The following ADORA1 variants were observed in gnomAD, a reference collection of about 807,000 sequenced individuals.
ADORA1 encodes the protein adenosine receptor A1.
Under a neutral mutation model 19.9 loss-of-function variants are expected in ADORA1, and 6 were observed. The ratio of observed to expected loss-of-function variants is 0.30; its 90% CI spans 0.17 to 0.59. The LOEUF is 0.59. ADORA1 is among the 20% of genes least tolerant of loss of function. The pLI is 0.87. For missense variants in ADORA1, 302 were observed against 439.2 expected (o/e 0.69, Z 2.79); for synonymous variants, 194 against 188.4 (o/e 1.03, Z -0.24).
At chr1:203,131,839 G>A (rs1167115152) in intron 3 of ADORA1, among the ~76,000 whole-genome samples, 2 of 152,148 alleles carry the variant, frequency 1.3e-5, no homozygotes, top group South Asian at 2.1e-4. Context: ...CTGGGTCTAC[G>A]AAACTCCTCT....
intron 3 of ADORA1, among the ~76,000 whole-genome samples, chr1:203,164,047 A>G (rs1276850964): frequency 6.6e-6 from 1 of 152,210 alleles, no homozygotes; most frequent in Non-Finnish European, 1.5e-5. Context: ...ACTGTCTCCA[A>G]GGCCAGTATG....
At chr1:203,151,788 G>GCATTCATTCATTCATTCATT (rs34226911) in intron 3 of ADORA1, among the ~76,000 whole-genome samples, 23 of 151,208 alleles carry the variant, frequency 1.5e-4, no homozygotes, top group Middle Eastern at 3.2e-3. Flanking sequence ...ATGCATGCAT[G>GCATTCATTCATTCATTCATT]CATTCATTCA....
chr1:203,163,985 T>G (rs1655454383), intron 3 of ADORA1, among the ~76,000 whole-genome samples: 1 of 152,232 alleles, frequency 6.6e-6, no homozygotes, highest in South Asian at 2.1e-4. Context: ...GGCAAGCTGC[T>G]GCTGCTCAGC....
intron 3 of ADORA1, chr1:203,150,603 C>T (rs557120751): frequency 1.6e-5 from 21 of 1,285,582 alleles, no homozygotes; most frequent in African/African-American, 7.6e-5. Flanking sequence ...AGGCCAGGAT[C>T]GGGGAGAATA....
At chr1:203,143,298 T>G (rs2102746362) in intron 3 of ADORA1, among the ~76,000 whole-genome samples, 1 of 152,342 alleles carries the variant, frequency 6.6e-6, no homozygotes, top group East Asian at 1.9e-4. Context: ...TCTTGTCCTC[T>G]TCTTATAAAG....
intron 3 of ADORA1, among the ~76,000 whole-genome samples, chr1:203,137,071 G>A (rs1571785768): frequency 6.6e-6 from 1 of 152,310 alleles, no homozygotes; most frequent in East Asian, 1.9e-4. Context: ...AGGGGGCAGG[G>A]TAAATGGGAT....
intron 3 of ADORA1, among the ~76,000 whole-genome samples, chr1:203,143,040 G>A (rs2102746069): frequency 6.6e-6 from 1 of 152,370 alleles, no homozygotes; most frequent in South Asian, 2.1e-4. Context: ...AACATTCAGA[G>A]TGGCTGTGTC....
In ADORA1 at chr1:203,166,554, G is replaced by C. The variant is rs41264027; in HGVS notation, c.*654G>C. 1 of 152,584 alleles carries C rather than the reference G, an allele frequency of 6.6e-6. No homozygotes were observed. Among genetic ancestry groups the C allele is most frequent in the Non-Finnish European group, 1.5e-5 (1 of 68,238 alleles). 9.5% of individuals were successfully genotyped at this position (152,584 alleles called of 1,614,324 possible). A position where few individuals can be genotyped will look rare whatever the true frequency, so the allele number is the denominator to read the frequency against. On this transcript the variant is annotated 3_prime_UTR_variant, in exon 4 of 4. Coordinates refer to ENST00000337894, the MANE Select transcript of ADORA1 (RefSeq NM_000674.3). ...CCAGCCCAGGATTGTACGTGGGAGA[G>C]GCAGAAAGGGTAGGTTCAGTAATCA...
At chr1:203,134,803 C>CAT (rs969397830) in intron 3 of ADORA1, among the ~76,000 whole-genome samples, 3 of 152,224 alleles carry the variant, frequency 2.0e-5, no homozygotes, top group South Asian at 4.1e-4. Context: ...CACACACACA[C>CAT]ATATATATAG....
chr1:203,129,380 G>A, intron 3 of ADORA1, 198 bp downstream of exon 3: 5 of 776,724 alleles, frequency 6.4e-6, no homozygotes, highest in Non-Finnish European at 7.8e-6. Flanking sequence ...GGTGGCTGGA[G>A]GACTGTACTG....
rs561401424 is a variant in ADORA1 at position 203,147,888 on chromosome 1, A to G, written c.342-17373A>G. On this transcript the variant is annotated intron_variant, in intron 3 of 3. Coordinates refer to ENST00000337894, the MANE Select transcript of ADORA1 (RefSeq NM_000674.3). ...TACGTTGTACCCCATAAATATATAC[A>G]ATTAATGTTTTTCAGTAAAAAGAAA... 2.0e-5 allele frequency among the ~76,000 whole-genome samples: 3 copies of G among 152,316 alleles called. No individual in the cohort carries two copies. The East Asian group carries it at 5.8e-4, about 29-fold the overall frequency.
At chr1:203,152,214 C>T (rs1002297467) in intron 3 of ADORA1, among the ~76,000 whole-genome samples, 3 of 152,232 alleles carry the variant, frequency 2.0e-5, no homozygotes, top group Admixed American at 6.5e-5. Flanking sequence ...ATGGGGGTCT[C>T]CCATTTCCCA....
chr1:203,144,281 A>C (rs1316919425), intron 3 of ADORA1, among the ~76,000 whole-genome samples: 1 of 152,112 alleles, frequency 6.6e-6, no homozygotes, highest in East Asian at 1.9e-4. Context: ...CGTGTGAGCA[A>C]TTTGAAAGTG....
At chr1:203,164,419 C>G (rs1280836202) in intron 3 of ADORA1, among the ~76,000 whole-genome samples, 1 of 152,218 alleles carries the variant, frequency 6.6e-6, no homozygotes, top group African/African-American at 2.4e-5. Flanking sequence ...ATGAATGCAT[C>G]CACGTATGCA....
In ADORA1 at chr1:203,129,118, A is replaced by G. The variant is rs1321942392; in HGVS notation, c.277A>G (p.Ser93Gly). The G allele has an allele frequency of 6.2e-7, 1 of 1,614,016 alleles. No individual in the cohort carries two copies. Among genetic ancestry groups the G allele is most frequent in the Middle Eastern group, 1.7e-4 (1 of 6,060 alleles). The change falls in exon 3 of 4, where the codon AGC (serine) becomes GGC (glycine). Residue 93 changes from serine to glycine, a missense_variant. Coordinates refer to ENST00000337894, the MANE Select transcript of ADORA1 (RefSeq NM_000674.3). The stretch of plus-strand genomic sequence containing the variant: ...CTGTCCGGTCCTCATCCTCACCCAG[A>G]GCTCCATCCTGGCCCTGCTGGCAAT... Reference protein sequence around the residue: ...VACPVLILTQSSILALLAIAV... With the variant: ...VACPVLILTQGSILALLAIAV...
rs1655080293 is a variant in ADORA1 at position 203,152,829 on chromosome 1, G to A, written c.342-12432G>A. Reference sequence around the variant, plus strand: ...GGTGCTGTGCTTGACTTTGGGAGGGGAGGAGGTGGCTGTATTGTGAAATCG... The same window carrying A: ...GGTGCTGTGCTTGACTTTGGGAGGGAAGGAGGTGGCTGTATTGTGAAATCG... On this transcript the variant is annotated intron_variant, in intron 3 of 3. Coordinates refer to ENST00000337894, the MANE Select transcript of ADORA1 (RefSeq NM_000674.3). The A allele has an allele frequency of 3.3e-5, 5 of 152,340 alleles. No individual in the cohort carries two copies. The South Asian group carries it at 1.0e-3, about 32-fold the overall frequency. The allele number at this position is 152,340 out of a possible 1,614,324, so 9.4% of individuals were successfully genotyped here. A position where few individuals can be genotyped will look rare whatever the true frequency, so the allele number is the denominator to read the frequency against.
chr1:203,134,834 G>A (rs966811735), intron 3 of ADORA1, among the ~76,000 whole-genome samples: 53 of 152,234 alleles, frequency 3.5e-4, no homozygotes, highest in Admixed American at 4.6e-4. Flanking sequence ...TTTACATATT[G>A]AGAACATCTA....
At position 203,162,084 on chromosome 1, in the gene ADORA1, C is replaced by T. The variant is rs1453215405; in HGVS notation, c.342-3177C>T. Among the ~76,000 whole-genome samples the T allele has an allele frequency of 2.6e-5, 4 of 152,322 alleles. No individual in the cohort carries two copies. The East Asian group carries it at 7.7e-4, about 29-fold the overall frequency. On this transcript the variant is annotated intron_variant, in intron 3 of 3. Coordinates refer to ENST00000337894, the MANE Select transcript of ADORA1 (RefSeq NM_000674.3). ...GGGCATTCCCAAGAGTCAGAGGCAC[C>T]TTCCACACACCCTTACCCCATGCGT...
At chr1:203,143,890 C>T (rs1057229214) in intron 3 of ADORA1, among the ~76,000 whole-genome samples, 6 of 152,174 alleles carry the variant, frequency 3.9e-5, no homozygotes, top group Admixed American at 1.3e-4. Flanking sequence ...TGGCAGGAGG[C>T]CTGAGCAGGC....
Sources: gnomAD v4.1 joint callset for allele counts (sites outside exome capture counted in the v4.1 genomes callset) on GRCh38, gnomAD v4.1.1 for gene constraint, MANE v1.5 for transcripts, NCBI Gene and HGNC (gene_info 2026-07-23, HGNC 2026-07-21) for gene names.